The following GRID2 variants were observed in gnomAD, a reference collection of about 807,000 sequenced individuals.
The protein encoded by GRID2 is glutamate receptor ionotropic, delta-2.
Under a neutral mutation model 114.8 loss-of-function variants are expected in GRID2, and 33 were observed. The observed-to-expected ratio is 0.29, with a 90% confidence interval of 0.22 to 0.38. The LOEUF is 0.38. Ranked by LOEUF, GRID2 falls within the 10% of genes least tolerant of loss-of-function variation. The probability of loss-of-function intolerance (pLI) is 1.00; values close to 1 mark genes in which losing one functional copy is unlikely to be tolerated. For missense variants in GRID2, 1,184 were observed against 1,257.7 expected, an observed-to-expected ratio of 0.94 and a Z score of 0.89; for synonymous variants, 505 against 449.9, an observed-to-expected ratio of 1.12 and a Z score of -1.55.
At chr4:93,545,156 T>C (rs1342718859) in intron 13 of GRID2, among the ~76,000 whole-genome samples, 2 of 152,190 alleles carry the variant, frequency 1.3e-5, no homozygotes, top group African/African-American at 2.4e-5. Flanking sequence ...GGTCTCTGCC[T>C]TCATGCAGCC....
intron 1 of GRID2, among the ~76,000 whole-genome samples, chr4:92,505,769 T>C (rs1723933065): frequency 1.3e-5 from 2 of 152,056 alleles, no homozygotes; most frequent in African/African-American, 2.4e-5. Flanking sequence ...TTGTTGAATA[T>C]ATCTTTTAGT....
At chr4:92,701,122 A>G (rs1324023254) in intron 2 of GRID2, among the ~76,000 whole-genome samples, 1 of 152,194 alleles carries the variant, frequency 6.6e-6, no homozygotes, top group African/African-American at 2.4e-5. Context: ...GAGGTGAATT[A>G]ACCTTCCTTA....
intron 14 of GRID2, among the ~76,000 whole-genome samples, chr4:93,628,063 A>G (rs1227359341): frequency 2.0e-5 from 3 of 152,146 alleles, no homozygotes; most frequent in Non-Finnish European, 4.4e-5. Context: ...AATCTCAGCT[A>G]CTTGGGAGGC....
chr4:93,012,320 A>G (rs1002957408), intron 2 of GRID2, among the ~76,000 whole-genome samples: 10 of 152,078 alleles, frequency 6.6e-5, no homozygotes, highest in African/African-American at 2.4e-4. Context: ...TCAAAACTGC[A>G]GATTCACATA....
intron 14 of GRID2, among the ~76,000 whole-genome samples, chr4:93,762,738 A>C (rs1160916638): frequency 6.6e-6 from 1 of 152,178 alleles, no homozygotes; most frequent in African/African-American, 2.4e-5. Flanking sequence ...TCAGATCATT[A>C]AGAATGCAGA....
intron 5 of GRID2, among the ~76,000 whole-genome samples, chr4:93,211,902 A>C (rs1013380388): frequency 6.6e-5 from 10 of 152,156 alleles, no homozygotes; most frequent in Non-Finnish European, 1.5e-4. Flanking sequence ...CTTTCAAATT[A>C]TTCCATTCAC....
At chr4:92,541,745 G>C (rs1725973220) in intron 1 of GRID2, among the ~76,000 whole-genome samples, 1 of 152,046 alleles carries the variant, frequency 6.6e-6, no homozygotes, top group Non-Finnish European at 1.5e-5. Flanking sequence ...TTGCATCCAT[G>C]TAGAGGGTGA....
chr4:92,595,066 T>A (rs1728883020), intron 2 of GRID2, among the ~76,000 whole-genome samples: 1 of 152,004 alleles, frequency 6.6e-6, no homozygotes, highest in Non-Finnish European at 1.5e-5. Flanking sequence ...TTCTTTGATA[T>A]TTAATGACAA....
chr4:93,541,840 A>G (rs1198522460), intron 13 of GRID2, among the ~76,000 whole-genome samples: 1 of 152,200 alleles, frequency 6.6e-6, no homozygotes, highest in Non-Finnish European at 1.5e-5. Flanking sequence ...AGTAATGATT[A>G]ATTACTCAAT....
intron 2 of GRID2, among the ~76,000 whole-genome samples, chr4:92,869,532 T>C (rs1745124383): frequency 6.6e-6 from 1 of 152,192 alleles, no homozygotes; most frequent in Non-Finnish European, 1.5e-5. Flanking sequence ...GTCCTTGGTG[T>C]CCAAAACATG....
chr4:93,367,428 AT>A (rs1762449682), intron 8 of GRID2, among the ~76,000 whole-genome samples: 1 of 152,110 alleles, frequency 6.6e-6, no homozygotes. Context: ...TGACTAATTT[AT>A]TTTTTAAATG....
intron 2 of GRID2, among the ~76,000 whole-genome samples, chr4:92,663,514 C>T (rs1255757636): frequency 2.6e-5 from 4 of 151,140 alleles, no homozygotes; most frequent in African/African-American, 7.3e-5. Context: ...AATTAGTTGT[C>T]TAGTATACAG....
rs201553778 is a variant in GRID2, at chr4:92,304,637, G to T, written c.-20G>T. On this transcript the variant is annotated 5_prime_UTR_variant, in exon 1 of 16. Transcript: ENST00000282020. ...AATTGGAAGAAAATCCATCCTCCAAGAGAATCGGCATAGGAGGAGATGGAA... is the reference window on the plus strand; with the variant it reads ...AATTGGAAGAAAATCCATCCTCCAATAGAATCGGCATAGGAGGAGATGGAA... 7.7e-6 allele frequency: 12 copies of T among 1,562,522 alleles called. No homozygotes were observed. The highest frequency in any genetic ancestry group is 1.7e-5 in the Admixed American group (1 of 59,896).
chr4:92,586,283 AT>A (rs1728436224), intron 1 of GRID2, among the ~76,000 whole-genome samples: 1 of 151,780 alleles, frequency 6.6e-6, no homozygotes, highest in South Asian at 2.1e-4. Context: ...TAAAAGGCAT[AT>A]TTGTGAATGT....
chr4:92,505,013 C>T (rs189318673), intron 1 of GRID2, among the ~76,000 whole-genome samples: 9 of 151,796 alleles, frequency 5.9e-5, no homozygotes, highest in South Asian at 2.1e-4. Flanking sequence ...ATTAAACCGT[C>T]GAATCATTTA....
intron 14 of GRID2, among the ~76,000 whole-genome samples, chr4:93,728,745 C>G (rs1730188943): frequency 3.3e-5 from 5 of 151,934 alleles, no homozygotes; most frequent in Admixed American, 3.3e-4. Context: ...ATGTAATGGC[C>G]TTCTTTGTCT....
At chr4:93,607,766 C>CT (rs1283593846) in intron 13 of GRID2, among the ~76,000 whole-genome samples, 1 of 152,066 alleles carries the variant, frequency 6.6e-6, no homozygotes, top group East Asian at 1.9e-4. Context: ...GTACTCACCA[C>CT]TAATGAGTTT....
Position 93,515,292 on chromosome 4 carries a change from C to T in GRID2, c.2074C>T (p.Arg692Cys), listed in dbSNP as rs1163203304. Residue 692 changes from arginine to cysteine, a missense_variant, in exon 13 of 16, where the codon CGC (arginine) becomes TGC (cysteine). Arg to Cys is a radical substitution (Grantham distance 180). Transcript: ENST00000282020. ...AGACTCTGCGGTATATGAGCATGTC[C>T]GCATGAAAGGACTGAATCCTTTTGA... The part of the protein sequence containing the change: ...VLDSAVYEHV[R>C]MKGLNPFERD... 12 of 1,610,826 alleles carry T rather than the reference C, an allele frequency of 7.4e-6. No homozygotes were observed. The highest frequency in any genetic ancestry group is 1.7e-5 in the Admixed American group (1 of 59,914).
At chr4:93,222,819 T>C (rs1579336479) in intron 6 of GRID2, among the ~76,000 whole-genome samples, 1 of 152,118 alleles carries the variant, frequency 6.6e-6, no homozygotes, top group South Asian at 2.1e-4. Context: ...GGCTACATAA[T>C]ATTCCATGGT....
Sources: allele counts gnomAD v4.1 joint callset (sites outside exome capture counted in the v4.1 genomes callset), GRCh38; gene constraint gnomAD v4.1.1; transcripts MANE v1.5; gene names NCBI Gene and HGNC (gene_info 2026-07-23, HGNC 2026-07-21).